The following SND1 variants were observed in gnomAD, a reference collection of about 807,000 sequenced individuals.
SND1 encodes staphylococcal nuclease and tudor domain containing 1.
SND1 carries 38 observed loss-of-function variants against 121.7 expected under a neutral mutation model. The observed-to-expected ratio is 0.31, with a 90% CI of 0.24 to 0.41. The LOEUF (loss-of-function observed/expected upper bound fraction) is 0.41, where lower values mean the gene tolerates loss of function less well. Ranked by LOEUF, SND1 falls within the 10% of genes least tolerant of loss-of-function variation. SND1 has a pLI of 1.00. For missense variants in SND1, 868 were observed against 1,184.6 expected, an observed-to-expected ratio of 0.73 and a Z score of 3.92; for synonymous variants, 401 against 447.4, an observed-to-expected ratio of 0.90 and a Z score of 1.31.
At chr7:127,808,837 C>A (rs1054698777) in intron 11 of SND1, among the ~76,000 whole-genome samples, 3 of 152,228 alleles carry the variant, frequency 2.0e-5, no homozygotes, top group African/African-American at 7.2e-5. Context: ...AAGTTGATAT[C>A]ATTTCGCTCA....
At chr7:127,875,388 G>A (rs1200848405) in intron 12 of SND1, among the ~76,000 whole-genome samples, 1 of 152,200 alleles carries the variant, frequency 6.6e-6, no homozygotes, top group African/African-American at 2.4e-5. Context: ...GAGTGGTGCA[G>A]CTACAGGCAC....
chr7:127,912,503 G>C (rs1490561077), intron 14 of SND1, among the ~76,000 whole-genome samples: 2 of 152,156 alleles, frequency 1.3e-5, no homozygotes, highest in African/African-American at 2.4e-5. Flanking sequence ...CCCTGTAAGA[G>C]AAATGATTTC....
intron 10 of SND1, among the ~76,000 whole-genome samples, chr7:127,801,684 T>C (rs1242294996): frequency 1.3e-5 from 2 of 152,174 alleles, no homozygotes; most frequent in Non-Finnish European, 2.9e-5. Flanking sequence ...AAAAACCTTA[T>C]CTTCGCTCTG....
At chr7:128,065,893 C>T (rs1482069094) in intron 16 of SND1, among the ~76,000 whole-genome samples, 1 of 152,194 alleles carries the variant, frequency 6.6e-6, no homozygotes. Flanking sequence ...GAAGATGGGT[C>T]CGGGACAGAA....
In SND1 at chr7:128,085,424, C is replaced by G. The variant is rs1367914926; in HGVS notation, c.2235-287C>G. 1.3e-5 allele frequency among the ~76,000 whole-genome samples: 2 copies of G among 152,238 alleles called. No individual in the cohort carries two copies. Among genetic ancestry groups the G allele is most frequent in the African/African-American group, 4.8e-5 (2 of 41,456 alleles). On this transcript the variant is annotated intron_variant, in intron 19 of 23. Transcript: ENST00000354725. This position sits in a 1 kb window ranked among gnomAD's most constrained non-coding sequence, Gnocchi z 4.4. Reference sequence around the variant, plus strand: ...TGTTTAGTGCACTGGGTTTAAACAGCAGACATCAATCTAGTCATTAGTCTT... The same window carrying G: ...TGTTTAGTGCACTGGGTTTAAACAGGAGACATCAATCTAGTCATTAGTCTT...
chr7:128,061,450 T>G (rs1376286920), intron 16 of SND1, among the ~76,000 whole-genome samples: 1 of 152,194 alleles, frequency 6.6e-6, no homozygotes, highest in African/African-American at 2.4e-5. Context: ...GGAGAAGCTG[T>G]GGGGTCAAGA....
At chr7:127,998,118 A>G (rs1399284234) in intron 16 of SND1, 5 of 411,488 alleles carry the variant, frequency 1.2e-5, no homozygotes, top group East Asian at 5.9e-5. Context: ...ATATTTGTCA[A>G]ATCAACTAAT....
intron 15 of SND1, chr7:127,949,356 A>G (rs935948477): frequency 3.3e-5 from 5 of 152,252 alleles, no homozygotes; most frequent in African/African-American, 1.2e-4. Context: ...CAAGTTCACT[A>G]CTTAGCAAGA....
At chr7:127,700,970 A>C (rs770358587) in intron 4 of SND1, among the ~76,000 whole-genome samples, 193 bp from the exon 5 acceptor site, 7 of 152,214 alleles carry the variant, frequency 4.6e-5, no homozygotes, top group Non-Finnish European at 8.8e-5. Context: ...TTTGTTTGAA[A>C]GGACAAGTTT....
chr7:127,696,265 G>A (rs1205526718), intron 3 of SND1, among the ~76,000 whole-genome samples: 1 of 152,128 alleles, frequency 6.6e-6, no homozygotes, highest in African/African-American at 2.4e-5. Flanking sequence ...AGAAAAATGA[G>A]TTGAGAATGA....
At position 127,721,316 on chromosome 7, in the gene SND1, T is replaced by C; in HGVS notation, c.1068T>C (p.Ile356=). 1.2e-6 allele frequency: 2 copies of C among 1,613,710 alleles called. No homozygotes were observed. Among genetic ancestry groups the C allele is most frequent in the Non-Finnish European group, 1.7e-6 (2 of 1,179,786 alleles). Residue 356 remains isoleucine (I), a synonymous_variant, in exon 10 of 24, where the codon ATT becomes ATC. Transcript: ENST00000354725. ...KVMQVLNADA[I]VVKLNSGDYK... ...TGCAGGTTCTGAATGCTGATGCCAT[T>C]GTTGTGAAGCTGAACTCAGGCGATT...
Position 127,982,824 on chromosome 7 carries a change from A to G in SND1, c.1670-8123A>G, listed in dbSNP as rs1346174033. On this transcript the variant is annotated intron_variant, in intron 15 of 23. Transcript: ENST00000354725. ...CCAAATTCTTTCTACTTTAAAGCTTATGAGCAAGAAGTACAAGTTTTTGGT... is the reference window on the plus strand; with the variant it reads ...CCAAATTCTTTCTACTTTAAAGCTTGTGAGCAAGAAGTACAAGTTTTTGGT... 2.6e-5 allele frequency among the ~76,000 whole-genome samples: 4 copies of G among 152,350 alleles called. No homozygotes were observed. In the East Asian group the frequency reaches 7.7e-4, roughly 29 times the overall value.
chr7:128,040,353 A>G (rs1051763186), intron 16 of SND1, among the ~76,000 whole-genome samples: 1 of 143,924 alleles, frequency 6.9e-6, no homozygotes, highest in African/African-American at 2.6e-5. Context: ...GAATTGCTTG[A>G]GCCTGGGAGG....
intron 10 of SND1, among the ~76,000 whole-genome samples, chr7:127,742,111 T>C (rs1342956337): frequency 3.9e-5 from 6 of 152,152 alleles, no homozygotes; most frequent in Admixed American, 3.3e-4. Context: ...GATGGGCAGC[T>C]GGTAGCTGGG....
intron 13 of SND1, among the ~76,000 whole-genome samples, chr7:127,899,715 C>T (rs143417200): frequency 2.2e-4 from 33 of 152,114 alleles, no homozygotes; most frequent in Middle Eastern, 6.8e-3. Flanking sequence ...GAGTGGTGTG[C>T]AATATTCAGT....
intron 14 of SND1, among the ~76,000 whole-genome samples, chr7:127,926,353 G>C (rs1046437658): frequency 6.6e-6 from 1 of 151,980 alleles, no homozygotes; most frequent in Admixed American, 6.6e-5. Flanking sequence ...TTAATATTCT[G>C]TCAGCTTGGA....
intron 16 of SND1, among the ~76,000 whole-genome samples, chr7:128,059,048 C>T (rs1744604203): frequency 6.6e-6 from 1 of 152,304 alleles, no homozygotes; most frequent in Admixed American, 6.5e-5. Flanking sequence ...CTCAGCATGG[C>T]TTTCTGTCCC....
chr7:127,998,950 A>G lies in SND1; in HGVS notation c.1779+7894A>G, dbSNP rs543780468. 12 of 152,378 alleles carry G rather than the reference A, an allele frequency of 7.9e-5. No individual in the cohort carries two copies. The East Asian group carries it at 2.3e-3, about 29-fold the overall frequency. The allele number at this position is 152,378 out of a possible 1,614,324, so 9.4% of individuals were successfully genotyped here. ...TCTGCAAAGCTGCTGGCTTAGCTTG[A>G]CTGTTTCCCTATTCCTCTCCTTAGA... On this transcript the variant is annotated intron_variant, in intron 16 of 23. Transcript: ENST00000354725.
chr7:128,034,592 C>T (rs1792713752), intron 16 of SND1, among the ~76,000 whole-genome samples: 1 of 152,194 alleles, frequency 6.6e-6, no homozygotes, highest in South Asian at 2.1e-4. Context: ...GCTGCTGCCC[C>T]GCACTATAAA....
Sources: allele counts gnomAD v4.1 joint callset (sites outside exome capture counted in the v4.1 genomes callset), GRCh38; gene constraint gnomAD v4.1.1; non-coding constraint Gnocchi (gnomAD v3.1); transcripts MANE v1.5; gene names NCBI Gene and HGNC (gene_info 2026-07-23, HGNC 2026-07-21).